The following KALRN variants were observed in gnomAD, a reference collection of about 807,000 sequenced individuals.
The protein encoded by KALRN is kalirin RhoGEF kinase.
Under a neutral mutation model 353.7 loss-of-function variants are expected in KALRN, and 70 were observed. The observed-to-expected ratio is 0.20, with a 90% CI of 0.16 to 0.24. The LOEUF (loss-of-function observed/expected upper bound fraction) is 0.24, where lower values mean the gene tolerates loss of function less well. Among genes scored for constraint, KALRN ranks in the 10% least tolerant of loss-of-function variants. KALRN has a pLI of 1.00. For synonymous variants in KALRN, 1,391 were observed against 1,434.8 expected (o/e 0.97, Z 0.69); for missense variants, 2,791 against 3,756.7 (o/e 0.74, Z 6.72).
At chr3:124,132,459 C>T (rs1442949016) in intron 1 of KALRN, among the ~76,000 whole-genome samples, 1 of 152,228 alleles carries the variant, frequency 6.6e-6, no homozygotes, top group East Asian at 1.9e-4. Flanking sequence ...AGCACTGCAG[C>T]ACCGCACAAC....
rs145524929 is a variant in KALRN, at chr3:124,452,824, A to G, written c.3553-2353A>G. On this transcript the variant is annotated intron_variant, in intron 21 of 59. Transcript: ENST00000682506. ...ATTTGCTTTGCTGACTCCGAATCAC[A>G]ATTTTGATGTTTTAAGATATAATTT... Among the ~76,000 whole-genome samples, 995 of 152,266 alleles carry G rather than the reference A, an allele frequency of 6.5e-3. 6 individuals carry two copies. Among genetic ancestry groups the G allele is most frequent in the Non-Finnish European group, 0.011 (718 of 68,024 alleles).
chr3:124,475,083 C>T (rs557396819), intron 26 of KALRN, among the ~76,000 whole-genome samples: 1 of 152,030 alleles, frequency 6.6e-6, no homozygotes, highest in Admixed American at 6.6e-5. Context: ...AATTTTTTAT[C>T]TTTAATTTTG....
At position 124,719,607 on chromosome 3, in the gene KALRN, G is replaced by C; in HGVS notation, c.*137G>C. On this transcript the variant is annotated 3_prime_UTR_variant, in exon 60 of 60. Transcript: ENST00000682506. This position sits in a 1 kb window ranked among gnomAD's most constrained non-coding sequence, Gnocchi z 5.3. ...TTGAGAGATGTACCTCTTAAACCTC[G>C]TCAGTGGTTATTCAGGGTCTGAGCA... The C allele has an allele frequency of 1.2e-6, 1 of 818,862 alleles. No homozygotes were observed. Among genetic ancestry groups the C allele is most frequent in the Non-Finnish European group, 1.9e-6 (1 of 532,286 alleles). 50.7% of individuals were successfully genotyped at this position (818,862 alleles called of 1,614,324 possible).
chr3:124,537,633 C>T (rs2068643924), intron 33 of KALRN, among the ~76,000 whole-genome samples: 1 of 152,066 alleles, frequency 6.6e-6, no homozygotes. Flanking sequence ...GGAACTATTC[C>T]AGGCTGAGAA....
intron 19 of KALRN, among the ~76,000 whole-genome samples, chr3:124,444,798 A>G (rs1194855293): frequency 3.2e-5 from 1 of 31,008 alleles, no homozygotes; most frequent in Admixed American, 3.7e-4. Flanking sequence ...AGACCCTGTC[A>G]AAAAAAAAAA....
chr3:124,145,274 A>G (rs1292274687), intron 1 of KALRN, among the ~76,000 whole-genome samples: 1 of 152,194 alleles, frequency 6.6e-6, no homozygotes, highest in Non-Finnish European at 1.5e-5. Context: ...GAACTCTGCT[A>G]CGTACCTGTG....
chr3:124,062,370 C>T (rs944158134), intron 1 of KALRN, among the ~76,000 whole-genome samples: 2 of 152,294 alleles, frequency 1.3e-5, no homozygotes, highest in East Asian at 3.9e-4. Context: ...CTATTTAAAG[C>T]CACCTTTGGG....
At chr3:124,098,542 C>G (rs935504999) in intron 1 of KALRN, among the ~76,000 whole-genome samples, 3 of 152,302 alleles carry the variant, frequency 2.0e-5, no homozygotes, top group Admixed American at 2.0e-4. Context: ...CAGCTTTATG[C>G]TACCTGCTAC....
At chr3:124,323,065 C>T (rs1019491577) in intron 6 of KALRN, among the ~76,000 whole-genome samples, 6 of 149,780 alleles carry the variant, frequency 4.0e-5, no homozygotes, top group African/African-American at 1.5e-4. Context: ...TTTAGCAAGA[C>T]ATTTCTCCGC....
intron 21 of KALRN, among the ~76,000 whole-genome samples, chr3:124,448,542 A>G (rs1416102376): frequency 2.0e-5 from 3 of 151,910 alleles, no homozygotes; most frequent in Non-Finnish European, 4.4e-5. Flanking sequence ...TTTTTTGTCT[A>G]TGTGCCTTTT....
chr3:124,078,863 G>T (rs907380858), intron 1 of KALRN, among the ~76,000 whole-genome samples: 6 of 152,228 alleles, frequency 3.9e-5, no homozygotes, highest in Admixed American at 2.6e-4. Context: ...TCTAGGGACT[G>T]GGACAAGGGT....
chr3:124,557,993 C>T (rs375858404), intron 33 of KALRN, among the ~76,000 whole-genome samples: 89 of 152,160 alleles, frequency 5.8e-4, no homozygotes, highest in African/African-American at 1.8e-3. Context: ...AGGGATTCCT[C>T]GGTCCCACCA....
At position 124,329,988 on chromosome 3, in the gene KALRN, C is replaced by T. The variant is rs1278212375; in HGVS notation, c.1412C>T (p.Thr471Ile). The T allele has an allele frequency of 6.2e-7, 1 of 1,613,624 alleles. No individual in the cohort carries two copies. The highest frequency in any genetic ancestry group is 1.1e-5 in the South Asian group (1 of 91,010). ...TATGAGCAGGTGACCCAAGCCTACACAGAGGTGAGAATGGAGCAGGGCAAC... is the reference window on the plus strand; with the variant it reads ...TATGAGCAGGTGACCCAAGCCTACATAGAGGTGAGAATGGAGCAGGGCAAC... ...TLYEQVTQAY[T>I]EVSQDGKALL... The change falls in exon 8 of 60, where the codon ACA (threonine) becomes ATA (isoleucine). Residue 471 changes from threonine to isoleucine, a missense_variant. By Grantham distance (89) the Thr-to-Ile change is moderately conservative (BLOSUM62 -1). Transcript: ENST00000682506.
At chr3:124,489,164 A>C (rs926599094) in intron 29 of KALRN, among the ~76,000 whole-genome samples, 10 of 152,084 alleles carry the variant, frequency 6.6e-5, no homozygotes, top group African/African-American at 2.2e-4. Flanking sequence ...AAAATTAGCC[A>C]GGGGTGGTGG....
chr3:124,645,371 C>T (rs1015912779), intron 37 of KALRN, among the ~76,000 whole-genome samples: 1 of 152,128 alleles, frequency 6.6e-6, no homozygotes, highest in Non-Finnish European at 1.5e-5. Flanking sequence ...GTTGCCATTG[C>T]TTTTGGTATT....
chr3:124,633,768 A>G (rs1359245636), intron 35 of KALRN, 84 bp from the exon 36 acceptor site: 4 of 1,112,394 alleles, frequency 3.6e-6, no homozygotes, highest in Admixed American at 2.0e-5. Context: ...CTCTCCTCCT[A>G]TGTATTATTT....
intron 37 of KALRN, among the ~76,000 whole-genome samples, chr3:124,647,245 A>G (rs1297951570): frequency 1.3e-5 from 2 of 151,892 alleles, no homozygotes; most frequent in Admixed American, 6.6e-5. Context: ...CAGGTTCCTT[A>G]TGATCTGATC....
At chr3:124,584,372 G>T (rs1189697728) in intron 34 of KALRN, among the ~76,000 whole-genome samples, 1 of 152,178 alleles carries the variant, frequency 6.6e-6, no homozygotes, top group Non-Finnish European at 1.5e-5. Context: ...ATCTAAGTCT[G>T]CCCCTCTCTT....
At chr3:124,174,968 T>C (rs2072450436) in intron 1 of KALRN, among the ~76,000 whole-genome samples, 1 of 152,252 alleles carries the variant, frequency 6.6e-6, no homozygotes, top group African/African-American at 2.4e-5. Context: ...GGTCAGTCCA[T>C]GTGAGGACTT....
Sources: gnomAD v4.1 joint callset for allele counts (sites outside exome capture counted in the v4.1 genomes callset) on GRCh38, gnomAD v4.1.1 for gene constraint, Gnocchi (gnomAD v3.1) non-coding constraint, MANE v1.5 for transcripts, NCBI Gene and HGNC (gene_info 2026-07-23, HGNC 2026-07-21) for gene names.